Variants in PLIN2 observed in about 807,000 individuals in gnomAD.
PLIN2 encodes the protein perilipin 2.
Under a neutral mutation model 30.6 loss-of-function variants are expected in PLIN2, and 33 were observed. That is an observed-to-expected ratio of 1.08 (90% CI 0.82 to 1.44). The LOEUF is 1.44. PLIN2 is among the 40% of genes most tolerant of loss of function. PLIN2 has a pLI of 0.00. For missense variants in PLIN2, 610 were observed against 531.8 expected (o/e 1.15, Z -1.45); for synonymous variants, 205 against 201.1 (o/e 1.02, Z -0.16).
chr9:19,116,723 GTTATGTGTCCACCACATATGTGGATTC>G (rs1343672086), intron 7 of PLIN2, 74 bp from the exon 8 acceptor site: 2 of 1,262,592 alleles, frequency 1.6e-6, no homozygotes, highest in East Asian at 4.7e-5. Context: ...CAGTAGGCTG[GTTATGTGTCCACCACATATGTGGATTC>G]TTTGGCTTTT....
At chr9:19,111,570 G>A (rs1444583187), downstream of PLIN2, among the ~76,000 whole-genome samples, 3 of 151,834 alleles carry the variant, frequency 2.0e-5, no homozygotes, top group Admixed American at 6.6e-5. Flanking sequence ...GCCCAGTGAG[G>A]GTCAAGTTGA....
chr9:19,119,145 T>C (rs1818274643), intron 6 of PLIN2, among the ~76,000 whole-genome samples: 1 of 152,254 alleles, frequency 6.6e-6, no homozygotes, highest in African/African-American at 2.4e-5. Flanking sequence ...GTACATACTG[T>C]TCTTTAACTT....
intron 2 of PLIN2, among the ~76,000 whole-genome samples, chr9:19,109,650 G>A (rs938799649): frequency 6.6e-6 from 1 of 151,260 alleles, no homozygotes; most frequent in African/African-American, 2.4e-5. Flanking sequence ...CCTAACAGAG[G>A]AAAAAGAGCT....
chr9:19,121,937 CA>C (rs1818324418), intron 4 of PLIN2, among the ~76,000 whole-genome samples: 1 of 151,648 alleles, frequency 6.6e-6, no homozygotes, highest in Admixed American at 6.6e-5. Flanking sequence ...GTCTCAAAAA[CA>C]AACAAACAAT....
At position 19,119,673 on chromosome 9, in the gene PLIN2, G is replaced by A. The variant is rs1818281454; in HGVS notation, c.754C>T (p.Gln252Ter). Residue 252 changes from glutamine to a stop codon, truncating the protein, a stop_gained, in exon 6 of 8, where the codon CAG becomes TAG. Coordinates refer to ENST00000276914, the MANE Select transcript of PLIN2 (RefSeq NM_001122.4). LOFTEE classifies it high-confidence loss of function. ...AKQKSQQTIS[Q>*]LHSTVHLIEF... ...ACCAGGTGAACAGTAGAATGGAGCT[G>A]AGAAATGGTCTGTTGGCTTTTTTGC... 1 of 1,602,712 alleles carries A rather than the reference G, an allele frequency of 6.2e-7. No homozygotes were observed. The highest frequency in any genetic ancestry group is 8.5e-7 in the Non-Finnish European group (1 of 1,173,198).
At chr9:19,120,813 T>C in intron 5 of PLIN2, 67 bp downstream of exon 5, 1 of 1,237,034 alleles carries the variant, frequency 8.1e-7, no homozygotes, top group Non-Finnish European at 1.2e-6. Flanking sequence ...GATGAGAGTA[T>C]ATGTCAATGA....
exon 3 of PLIN2, chr9:19,108,631 T>C (rs1039103106): frequency 6.5e-6 from 1 of 152,672 alleles, no homozygotes; most frequent in Admixed American, 6.5e-5. Flanking sequence ...CATCTTGCCC[T>C]GAGAGGACAG....
chr9:19,118,745 C>T (rs889405284), intron 6 of PLIN2, among the ~76,000 whole-genome samples: 3 of 152,180 alleles, frequency 2.0e-5, no homozygotes, highest in Non-Finnish European at 2.9e-5. Context: ...TTGAGTGTCA[C>T]TCTGTCACCC....
chr9:19,111,707 G>A (rs535830176), downstream of PLIN2, among the ~76,000 whole-genome samples: 13 of 152,162 alleles, frequency 8.5e-5, no homozygotes, highest in East Asian at 2.5e-3. Flanking sequence ...AACCAAGAAA[G>A]ATACCATAAA....
chr9:19,112,199 A>G (rs1278906545), downstream of PLIN2, among the ~76,000 whole-genome samples: 1 of 152,172 alleles, frequency 6.6e-6, no homozygotes, highest in Non-Finnish European at 1.5e-5. Context: ...TAGAAAGACT[A>G]TGTTATCATT....
chr9:19,120,837 A>G, intron 5 of PLIN2, 43 bp downstream of exon 5: 1 of 1,482,378 alleles, frequency 6.7e-7, no homozygotes. Context: ...TGTTTAAGAA[A>G]GATTTAATAT....
At chr9:19,114,350 G>A (rs2131174421), downstream of PLIN2, among the ~76,000 whole-genome samples, 1 of 152,228 alleles carries the variant, frequency 6.6e-6, no homozygotes, top group South Asian at 2.1e-4. Flanking sequence ...CAGTTCTGCT[G>A]AGGGCAGCCC....
chr9:19,111,730 C>CT (rs1466186413), downstream of PLIN2, among the ~76,000 whole-genome samples: 2 of 152,230 alleles, frequency 1.3e-5, no homozygotes, highest in Non-Finnish European at 2.9e-5. Context: ...AAGTCTTTGG[C>CT]TTAAGCTGAC....
downstream of PLIN2, among the ~76,000 whole-genome samples, chr9:19,113,726 G>A (rs1818185293): frequency 6.6e-6 from 1 of 150,534 alleles, no homozygotes. Context: ...GGTGCATACA[G>A]CCATGCCCAG....
In PLIN2 at chr9:19,116,311, G is replaced by C; in HGVS notation, c.1251C>G (p.Asp417Glu). The change falls in exon 8 of 8, where the codon GAC becomes GAG. Residue 417 changes from aspartate (D) to glutamate (E), a missense_variant. Physicochemically the swap from Asp to Glu is conservative, Grantham distance 45. Coordinates refer to ENST00000276914, the MANE Select transcript of PLIN2 (RefSeq NM_001122.4). ...PQLTESQNAQDQGAEMDKSSQ... is the reference protein window; with the variant it reads ...PQLTESQNAQEQGAEMDKSSQ... ...TGCTCTTGTCCATCTCTGCACCTTG[G>C]TCCTGAGCATTCTGAGACTCAGTCA... is the stretch of plus-strand genomic sequence containing the variant. 1 of 1,613,790 alleles carries C rather than the reference G, an allele frequency of 6.2e-7. No homozygotes were observed.
chr9:19,114,027 C>T (rs1462630013), downstream of PLIN2, among the ~76,000 whole-genome samples: 1 of 152,108 alleles, frequency 6.6e-6, no homozygotes, highest in Non-Finnish European at 1.5e-5. Flanking sequence ...ATCTGCCAGC[C>T]TCAGCCTCCC....
chr9:19,126,093 T>C, intron 3 of PLIN2, 21 bp downstream of exon 3: 3 of 1,608,398 alleles, frequency 1.9e-6, no homozygotes, highest in Non-Finnish European at 2.6e-6. Flanking sequence ...TTGACTTGCA[T>C]CTTGAAAAAT....
chr9:19,112,486 A>G (rs879347198), downstream of PLIN2, among the ~76,000 whole-genome samples: 7 of 152,156 alleles, frequency 4.6e-5, no homozygotes, highest in Non-Finnish European at 1.0e-4. Flanking sequence ...AGGTGAGTGG[A>G]TCACTTGAGC....
downstream of PLIN2, among the ~76,000 whole-genome samples, chr9:19,112,639 C>T (rs1818172184): frequency 6.8e-6 from 1 of 146,020 alleles, no homozygotes; most frequent in South Asian, 2.1e-4. Flanking sequence ...GCCTGGGAGG[C>T]GAAGCTTGCA....
Sources: allele counts gnomAD v4.1 joint callset (sites outside exome capture counted in the v4.1 genomes callset), GRCh38; gene constraint gnomAD v4.1.1; transcripts MANE v1.5; gene names NCBI Gene and HGNC (gene_info 2026-07-23, HGNC 2026-07-21).